The following BANP variants were observed in gnomAD, a reference collection of about 807,000 sequenced individuals.
BANP encodes protein BANP.
A neutral mutation model predicts 68.1 loss-of-function variants in BANP; 11 were observed. That is an observed-to-expected ratio of 0.16 (90% CI 0.10 to 0.27). The LOEUF (loss-of-function observed/expected upper bound fraction) is 0.27. Ranked by LOEUF, BANP falls within the 10% of genes least tolerant of loss-of-function variation. BANP has a pLI of 1.00. For missense variants in BANP, 504 were observed against 722.7 expected, an observed-to-expected ratio of 0.70 and a Z score of 3.47; for synonymous variants, 329 against 303.2, an observed-to-expected ratio of 1.09 and a Z score of -0.88.
At position 88,036,303 on chromosome 16, in the gene BANP, G is replaced by A. The variant is rs1397669039; in HGVS notation, c.1272+909G>A. 6.6e-6 allele frequency among the ~76,000 whole-genome samples: 1 copy of A among 152,220 alleles called. No homozygotes were observed. Among genetic ancestry groups the A allele is most frequent in the African/African-American group, 2.4e-5 (1 of 41,448 alleles). The stretch of plus-strand genomic sequence containing the variant: ...TCAGGCTTCCCCACACACACCAGCA[G>A]CAGAGACTAGGAAGCCCGGGTGCTG... On this transcript the variant is annotated intron_variant, in intron 10 of 13. Coordinates refer to ENST00000682872, the MANE Select transcript of BANP (RefSeq NM_001386991.1). The surrounding 1 kb of genome is among the most constrained non-coding windows in gnomAD (Gnocchi z 4.2).
intron 4 of BANP, among the ~76,000 whole-genome samples, chr16:87,985,425 C>T (rs2064171409): frequency 6.6e-6 from 1 of 152,136 alleles, no homozygotes; most frequent in African/African-American, 2.4e-5. Flanking sequence ...AGTTTGTTTA[C>T]CGTGTCCTCT....
chr16:87,979,062 T>C (rs2062762626), intron 2 of BANP, among the ~76,000 whole-genome samples: 1 of 152,220 alleles, frequency 6.6e-6, no homozygotes, highest in African/African-American at 2.4e-5. Context: ...TGCTTTTGCC[T>C]AGGACCTGTG....
chr16:88,050,759 G>C (rs1312510442), intron 11 of BANP, among the ~76,000 whole-genome samples: 1 of 152,036 alleles, frequency 6.6e-6, no homozygotes, highest in Non-Finnish European at 1.5e-5. Flanking sequence ...TGCAGTCACG[G>C]CTCACTGCAA....
At chr16:87,991,404 ATAAT>A (rs2065874002) in intron 4 of BANP, among the ~76,000 whole-genome samples, 1 of 152,364 alleles carries the variant, frequency 6.6e-6, no homozygotes, top group African/African-American at 2.4e-5. Context: ...GCACATTCTA[ATAAT>A]TTGGAGCACT....
At chr16:88,029,473 T>C (rs1464997002) in intron 8 of BANP, among the ~76,000 whole-genome samples, 2 of 151,536 alleles carry the variant, frequency 1.3e-5, no homozygotes, top group Non-Finnish European at 2.9e-5. Context: ...TAGCCGGGCG[T>C]GGTGGCTGGC....
At chr16:87,978,666 A>G (rs1406804459) in intron 2 of BANP, 1 of 469,950 alleles carries the variant, frequency 2.1e-6, no homozygotes, top group African/African-American at 2.0e-5. Flanking sequence ...CCCGCACCTC[A>G]GCCCCTGAGT....
At chr16:88,050,381 C>G (rs1311685690) in intron 11 of BANP, among the ~76,000 whole-genome samples, 1 of 152,158 alleles carries the variant, frequency 6.6e-6, no homozygotes, top group African/African-American at 2.4e-5. Flanking sequence ...GTCTTGAACT[C>G]CCGGGCTTAA....
In BANP at chr16:88,057,758, G is replaced by A. The variant is rs866475783; in HGVS notation, c.1312-7509G>A. ...GGCGGGGCCATCTGGGTGGGGCGGG[G>A]GGGGGGGTGCGTGCAGTGACTCGCG... is the stretch of plus-strand genomic sequence containing the variant. On this transcript the variant is annotated intron_variant, in intron 11 of 13. Coordinates refer to ENST00000682872, the MANE Select transcript of BANP (RefSeq NM_001386991.1). This position sits in a 1 kb window ranked among gnomAD's most constrained non-coding sequence, Gnocchi z 4.6. 1.4e-5 allele frequency among the ~76,000 whole-genome samples: 2 copies of A among 142,836 alleles called. No individual in the cohort carries two copies. Among genetic ancestry groups the A allele is most frequent in the African/African-American group, 2.5e-5 (1 of 39,536 alleles). The allele number at this position is 142,836 out of a possible 152,430, so 93.7% of individuals were successfully genotyped here.
At chr16:88,042,113 G>A (rs573813115) in intron 11 of BANP, among the ~76,000 whole-genome samples, 4 of 152,248 alleles carry the variant, frequency 2.6e-5, no homozygotes, top group Non-Finnish European at 4.4e-5. Flanking sequence ...GTGCAAGGCC[G>A]GAGGCCATGG....
intron 6 of BANP, among the ~76,000 whole-genome samples, chr16:88,017,770 C>A (rs2074930107): frequency 6.6e-6 from 1 of 152,214 alleles, no homozygotes; most frequent in Non-Finnish European, 1.5e-5. Flanking sequence ...GAGTGTGGGC[C>A]TGTCCACGGG....
chr16:87,998,552 G>C (rs188571546), intron 4 of BANP, among the ~76,000 whole-genome samples: 24 of 143,468 alleles, frequency 1.7e-4, no homozygotes, highest in Admixed American at 1.1e-3. Flanking sequence ...TTCCAGACAC[G>C]TCTCCATGCA....
chr16:88,024,089 G>C (rs2076517826), intron 7 of BANP, among the ~76,000 whole-genome samples: 1 of 152,216 alleles, frequency 6.6e-6, no homozygotes, highest in African/African-American at 2.4e-5. Flanking sequence ...CTCGATTGAA[G>C]TCCGACTAGG....
chr16:88,015,624 AGGTC>A (rs2074363273), intron 6 of BANP, among the ~76,000 whole-genome samples: 1 of 152,102 alleles, frequency 6.6e-6, no homozygotes, highest in Non-Finnish European at 1.5e-5. Flanking sequence ...TTCTCGTCTG[AGGTC>A]AGCTCTACCC....
chr16:87,949,984 T>G (rs191547932), upstream of BANP, among the ~76,000 whole-genome samples: 673 of 151,868 alleles, frequency 4.4e-3, 4 homozygotes, highest in Non-Finnish European at 7.2e-3. Flanking sequence ...TTCACGCCAT[T>G]CTCCCGCCTC....
chr16:88,047,340 A>C (rs1297480145), intron 11 of BANP, among the ~76,000 whole-genome samples: 1 of 152,182 alleles, frequency 6.6e-6, no homozygotes, highest in African/African-American at 2.4e-5. Context: ...GTTTCTCCCC[A>C]CATCTCCGTT....
intron 6 of BANP, among the ~76,000 whole-genome samples, chr16:88,007,443 G>A (rs1397846556): frequency 6.6e-6 from 1 of 152,196 alleles, no homozygotes; most frequent in African/African-American, 2.4e-5. Flanking sequence ...CCTCCCGCCT[G>A]GCCCTCGGCC....
intron 4 of BANP, among the ~76,000 whole-genome samples, chr16:87,997,429 GTGAGACCTGGGACAGATCC>G (rs1221241340): frequency 6.6e-6 from 1 of 152,286 alleles, no homozygotes; most frequent in Non-Finnish European, 1.5e-5. Context: ...CCAATAAATG[GTGAGACCTGGGACAGATCC>G]TGATCTTTCT....
At chr16:87,975,889 TCCCCTGTGTGTGGTGTC>T (rs2062021053) in intron 2 of BANP, among the ~76,000 whole-genome samples, 3 of 139,554 alleles carry the variant, frequency 2.1e-5, no homozygotes, top group Non-Finnish European at 4.7e-5. Flanking sequence ...GTGTGTGTAA[TCCCCTGTGTGTGGTGTC>T]ATGGAACCTT....
chr16:87,955,379 A>G (rs955691595), intron 1 of BANP, among the ~76,000 whole-genome samples: 2 of 152,178 alleles, frequency 1.3e-5, no homozygotes, highest in Non-Finnish European at 2.9e-5. Context: ...TAATTTTCAG[A>G]TAGTTTTTGA....
Sources: allele counts gnomAD v4.1 joint callset (sites outside exome capture counted in the v4.1 genomes callset), GRCh38; gene constraint gnomAD v4.1.1; non-coding constraint Gnocchi (gnomAD v3.1); transcripts MANE v1.5; gene names NCBI Gene and HGNC (gene_info 2026-07-23, HGNC 2026-07-21).